Variants in LTBP4 observed in about 807,000 individuals in gnomAD.
LTBP4 encodes latent transforming growth factor beta binding protein 4, also known as latent-transforming growth factor beta-binding protein 4.
Under a neutral mutation model 180.2 loss-of-function variants are expected in LTBP4, and 93 were observed. That is an observed-to-expected ratio of 0.52 (90% CI 0.44 to 0.61). LTBP4 has a LOEUF of 0.61. Ranked by LOEUF, LTBP4 falls within the 20% of genes least tolerant of loss-of-function variation. The pLI is 0.00. For synonymous variants in LTBP4, 947 were observed against 934.5 expected, an observed-to-expected ratio of 1.01 and a Z score of -0.24; for missense variants, 2,116 against 2,256.5, an observed-to-expected ratio of 0.94 and a Z score of 1.26.
intron 19 of LTBP4, chr19:40,615,513 A>C (rs369161593): frequency 2.6e-5 from 4 of 152,382 alleles, no homozygotes; most frequent in East Asian, 3.9e-4. Context: ...TAATCCCAGC[A>C]CTTTGGGAGG....
At position 40,622,668 on chromosome 19, in the gene LTBP4, G is replaced by T; in HGVS notation, c.3484+1G>T. ...CAGCAGTGCCCGGGCACCGAGACAGGTGGGCATGGGCTGATGGGGACACAG... is the reference window on the plus strand; with the variant it reads ...CAGCAGTGCCCGGGCACCGAGACAGTTGGGCATGGGCTGATGGGGACACAG... On this transcript the variant is annotated splice_donor_variant, in intron 23 of 29. Coordinates refer to ENST00000396819, the MANE Select transcript of LTBP4 (RefSeq NM_001042545.2). LOFTEE classifies it high-confidence loss of function. The surrounding 1 kb of genome is among the most constrained non-coding windows in gnomAD (Gnocchi z 5.1). 1 of 1,599,318 alleles carries T rather than the reference G, an allele frequency of 6.3e-7. No individual in the cohort carries two copies.
chr19:40,610,696 C>A, intron 12 of LTBP4, 39 bp downstream of exon 12: 2 of 1,555,546 alleles, frequency 1.3e-6, no homozygotes, highest in Non-Finnish European at 1.7e-6. Context: ...GGGGTGTGAG[C>A]GGTTGGGTAG....
At position 40,622,087 on chromosome 19, in the gene LTBP4, G is replaced by T. The variant is rs1171046549; in HGVS notation, c.3218-314G>T. Among the ~76,000 whole-genome samples, 1 of 152,136 alleles carries T rather than the reference G, an allele frequency of 6.6e-6. No homozygotes were observed. Among genetic ancestry groups the T allele is most frequent in the African/African-American group, 2.4e-5 (1 of 41,414 alleles). ...TTTGAGATGAAGACTCAGCCAGTTT[G>T]CCACACACTGGATAAGAGACCCAGA... On this transcript the variant is annotated intron_variant, in intron 22 of 29. Transcript: ENST00000396819. The surrounding 1 kb of genome is among the most constrained non-coding windows in gnomAD (Gnocchi z 5.1).
intron 6 of LTBP4, 32 bp from the exon 7 acceptor site, chr19:40,607,333 G>T (rs987359146): frequency 1.8e-6 from 2 of 1,140,200 alleles, no homozygotes; most frequent in East Asian, 7.8e-5. Context: ...TCCCAGCCCC[G>T]CCCTGAAGGA....
intron 24 of LTBP4, 25 bp from the exon 25 acceptor site, chr19:40,623,579 A>ATC: frequency 1.2e-6 from 2 of 1,602,756 alleles, no homozygotes; most frequent in Non-Finnish European, 1.7e-6. Flanking sequence ...GCCCGCCCCC[A>ATC]TCTCTCTCTC....
chr19:40,610,048 T>G, intron 11 of LTBP4, 177 bp downstream of exon 11: 8 of 839,650 alleles, frequency 9.5e-6, no homozygotes, highest in Non-Finnish European at 1.4e-5. Flanking sequence ...CCAGCCTCCC[T>G]TTGACCCCAC....
chr19:40,616,104 T>C (rs1244624652), intron 19 of LTBP4, among the ~76,000 whole-genome samples: 1 of 152,004 alleles, frequency 6.6e-6, no homozygotes, highest in Admixed American at 6.6e-5. Context: ...GGCAGGACCA[T>C]GCTTTTGAGA....
chr19:40,615,295 TG>T (rs2081541259), intron 19 of LTBP4: 1 of 149,596 alleles, frequency 6.7e-6, no homozygotes, highest in Admixed American at 6.7e-5. Context: ...CTCTGACTCA[TG>T]GAAATCTAGC....
At chr19:40,617,280 G>A in intron 21 of LTBP4, 55 bp downstream of exon 21, 1 of 1,577,234 alleles carries the variant, frequency 6.3e-7, no homozygotes. Flanking sequence ...GGTTGGTCAG[G>A]CCCTGTCCCT....
chr19:40,597,638 G>T (rs2081398127), upstream of LTBP4, among the ~76,000 whole-genome samples: 2 of 151,978 alleles, frequency 1.3e-5, no homozygotes, highest in African/African-American at 4.8e-5. Flanking sequence ...TTCGGGGAAA[G>T]GTCTCTAGTT....
intron 1 of LTBP4, among the ~76,000 whole-genome samples, chr19:40,595,691 AGGG>A (rs1274031462): frequency 1.3e-5 from 2 of 151,994 alleles, no homozygotes; most frequent in Non-Finnish European, 2.9e-5. Flanking sequence ...TAGGCAAGGA[AGGG>A]ATCGGTACTC....
rs1443385036 is a variant in LTBP4 at position 40,614,138 on chromosome 19, C to A, written c.2680+100C>A. ...CTTTCCTCCTCCGCTTCTCCCCTCC[C>A]CTTACCTCTTTCCCCCGCCTCCTCT... On this transcript the variant is annotated intron_variant, in intron 18 of 29. Coordinates refer to ENST00000396819, the MANE Select transcript of LTBP4 (RefSeq NM_001042545.2). 16 of 1,527,250 alleles carry A rather than the reference C, an allele frequency of 1.0e-5. No homozygotes were observed. The Admixed American group carries it at 1.2e-4, about 12-fold the overall frequency. The allele number at this position is 1,527,250 out of a possible 1,614,324, so 94.6% of individuals were successfully genotyped here.
intron 21 of LTBP4, 56 bp downstream of exon 21, chr19:40,617,281 C>T: frequency 2.5e-6 from 4 of 1,570,396 alleles, no homozygotes; most frequent in Non-Finnish European, 3.5e-6. Context: ...GTTGGTCAGG[C>T]CCTGTCCCTC....
At position 40,615,709 on chromosome 19, in the gene LTBP4, A is replaced by AGATCGC. The variant is rs556436907; in HGVS notation, c.2813-1178_2813-1173dup. ...GGAGGCGGAGGTGGCAGTTGAGCCG[A>AGATCGC]GATCGCGCCACTGCACTGCAGCCTC... On this transcript the variant is annotated intron_variant, in intron 19 of 29. Transcript: ENST00000396819. 7.8e-4 allele frequency among the ~76,000 whole-genome samples: 119 copies of AGATCGC among 152,260 alleles called. No individual in the cohort carries two copies. In the South Asian group the frequency reaches 9.7e-3, roughly 12 times the overall value.
At chr19:40,614,193 A>T in intron 18 of LTBP4, 122 bp from the exon 19 acceptor site, 2 of 1,426,378 alleles carry the variant, frequency 1.4e-6, no homozygotes, top group Non-Finnish European at 1.9e-6. Context: ...CTCTACCCCA[A>T]TCTTCTCCTG....
In LTBP4 at chr19:40,613,704, T is replaced by C; in HGVS notation, c.2557+175T>C. On this transcript the variant is annotated intron_variant, in intron 17 of 29. Transcript: ENST00000396819. This position sits in a 1 kb window ranked among gnomAD's most constrained non-coding sequence, Gnocchi z 5.0. ...AGTGAGGGGGGGCGGGGCGTGGAGA[T>C]GAAAGGGCCGAGTCTGGGTATTTGG... 2 of 1,226,134 alleles carry C rather than the reference T, an allele frequency of 1.6e-6. No individual in the cohort carries two copies. The highest frequency in any genetic ancestry group is 2.0e-5 in the Admixed American group (1 of 49,850). 76.0% of individuals were successfully genotyped at this position (1,226,134 alleles called of 1,614,324 possible).
chr19:40,619,756 G>T (rs142986274), intron 22 of LTBP4, among the ~76,000 whole-genome samples: 349 of 152,338 alleles, frequency 2.3e-3, no homozygotes, highest in African/African-American at 7.6e-3. Flanking sequence ...TGAGAACATA[G>T]TAGTGACCAG....
rs757747066 is a variant in LTBP4 at position 40,625,886 on chromosome 19, G to A, written c.3862G>A (p.Val1288Met). 8.8e-6 allele frequency: 14 copies of A among 1,597,496 alleles called. No homozygotes were observed. Among genetic ancestry groups the A allele is most frequent in the Admixed American group, 8.7e-5 (5 of 57,674 alleles). Residue 1288 changes from valine to methionine, a missense_variant, in exon 27 of 30, where the codon GTG becomes ATG. This residue lies in a region of LTBP4 where 488 missense variants were observed against 458.8 expected (regional missense o/e 1.06). Transcript: ENST00000396819. ...DDNLGVCWQEVGADLVCSHPR... is the reference protein window; with the variant it reads ...DDNLGVCWQEMGADLVCSHPR... The stretch of plus-strand genomic sequence containing the variant: ...CAATCTGGGAGTGTGCTGGCAGGAA[G>A]TGGGGGCTGACCTCGTGTGCAGCCA...
At chr19:40,614,132 C>T in intron 18 of LTBP4, 94 bp downstream of exon 18, 1 of 1,541,998 alleles carries the variant, frequency 6.5e-7, no homozygotes, top group Non-Finnish European at 8.8e-7. Context: ...TCCGCTTCTC[C>T]CCTCCCCTTA....
Sources: gnomAD v4.1 joint callset for allele counts (sites outside exome capture counted in the v4.1 genomes callset) on GRCh38, gnomAD v4.1.1 for gene constraint, gnomAD v4.1.1 regional missense constraint, Gnocchi (gnomAD v3.1) non-coding constraint, MANE v1.5 for transcripts, NCBI Gene and HGNC (gene_info 2026-07-23, HGNC 2026-07-21) for gene names.